Variants in ULK4 observed in about 807,000 individuals in gnomAD.
ULK4 encodes inactive serine/threonine-protein kinase ULK4.
In ULK4, 133 loss-of-function variants were observed where a neutral mutation model predicts 160.6. That is an observed-to-expected ratio of 0.83 (90% CI 0.72 to 0.96). ULK4 has a LOEUF of 0.96. Ranked by LOEUF, ULK4 falls within the 40% of genes least tolerant of loss-of-function variation. The pLI is 0.00. For missense variants in ULK4, 1,580 were observed against 1,499.5 expected, an observed-to-expected ratio of 1.05 and a Z score of -0.89; for synonymous variants, 534 against 539.8, an observed-to-expected ratio of 0.99 and a Z score of 0.15.
At chr3:41,807,774 G>A (rs1422178805) in intron 19 of ULK4, among the ~76,000 whole-genome samples, 1 of 152,084 alleles carries the variant, frequency 6.6e-6, no homozygotes, top group African/African-American at 2.4e-5. Context: ...TCATTTCTCA[G>A]AATGGCTATC....
At chr3:41,667,460 T>G (rs1252023702) in intron 29 of ULK4, among the ~76,000 whole-genome samples, 1 of 152,252 alleles carries the variant, frequency 6.6e-6, no homozygotes, top group East Asian at 1.9e-4. Flanking sequence ...AGGCTGTGAT[T>G]TATTAAGCTC....
chr3:41,878,675 T>TAAAAAAAAAAAAAA (rs33987084), intron 17 of ULK4, among the ~76,000 whole-genome samples: 1 of 95,934 alleles, frequency 1.0e-5, no homozygotes, highest in African/African-American at 4.0e-5. Flanking sequence ...TTAAAACTGT[T>TAAAAAAAAAAAAAA]AAAAAAAAAA....
At chr3:41,705,994 G>A (rs1263691093) in intron 25 of ULK4, among the ~76,000 whole-genome samples, 1 of 152,136 alleles carries the variant, frequency 6.6e-6, no homozygotes, top group Admixed American at 6.5e-5. Context: ...AGTACAAACT[G>A]TGTCAAGATA....
intron 17 of ULK4, among the ~76,000 whole-genome samples, chr3:41,856,020 T>C (rs2042329462): frequency 6.6e-6 from 1 of 152,178 alleles, no homozygotes; most frequent in African/African-American, 2.4e-5. Context: ...AATTCCATCA[T>C]TTTAAGAAAT....
At chr3:41,470,384 C>G (rs1405810162) in intron 32 of ULK4, among the ~76,000 whole-genome samples, 4 of 152,132 alleles carry the variant, frequency 2.6e-5, no homozygotes, top group African/African-American at 9.7e-5. Flanking sequence ...ATAAAATTGT[C>G]TTTCCAAAAT....
At chr3:41,443,849 T>G (rs1186171069) in intron 34 of ULK4, among the ~76,000 whole-genome samples, 2 of 152,072 alleles carry the variant, frequency 1.3e-5, no homozygotes, top group Admixed American at 1.3e-4. Flanking sequence ...GTTACAAATA[T>G]TTTCCCATAT....
At chr3:41,951,940 C>A (rs538697330) in intron 2 of ULK4, among the ~76,000 whole-genome samples, 2 of 152,100 alleles carry the variant, frequency 1.3e-5, no homozygotes, top group African/African-American at 4.8e-5. Flanking sequence ...ACTTCCCAGC[C>A]CCAAGAACTG....
chr3:41,700,908 A>G (rs1474444866), intron 27 of ULK4, among the ~76,000 whole-genome samples: 1 of 152,198 alleles, frequency 6.6e-6, no homozygotes, highest in African/African-American at 2.4e-5. Flanking sequence ...AGACAAGCAG[A>G]ATTTCTAGCA....
chr3:41,857,312 A>G (rs2042384055), intron 17 of ULK4, among the ~76,000 whole-genome samples: 1 of 152,186 alleles, frequency 6.6e-6, no homozygotes, highest in Non-Finnish European at 1.5e-5. Context: ...CTAATGAATG[A>G]TATTTCCAAT....
chr3:41,398,317 C>T (rs1423089535), intron 34 of ULK4, 53 bp from the exon 35 acceptor site: 9 of 1,573,076 alleles, frequency 5.7e-6, no homozygotes, highest in Non-Finnish European at 6.9e-6. Context: ...GGTATTAGTA[C>T]TCAAAAAAAA....
intron 35 of ULK4, among the ~76,000 whole-genome samples, chr3:41,382,385 T>A (rs1356169107): frequency 1.3e-5 from 2 of 152,194 alleles, no homozygotes; most frequent in African/African-American, 4.8e-5. Context: ...AAATGCTGAA[T>A]AACTCATTAG....
chr3:41,492,572 T>C (rs1396299948), intron 32 of ULK4, among the ~76,000 whole-genome samples: 5 of 149,232 alleles, frequency 3.4e-5, no homozygotes, highest in African/African-American at 1.3e-4. Flanking sequence ...AATCCACACA[T>C]AACAATATTA....
chr3:41,919,547 A>G (rs1317353677), intron 6 of ULK4, among the ~76,000 whole-genome samples, 170 bp downstream of exon 6: 1 of 152,232 alleles, frequency 6.6e-6, no homozygotes, highest in Non-Finnish European at 1.5e-5. Context: ...GGTTGTAGTG[A>G]GCCGAGATCG....
At position 41,870,089 on chromosome 3, in the gene ULK4, C is replaced by T. The variant is rs573678429; in HGVS notation, c.1656+13785G>A. 9.9e-4 allele frequency among the ~76,000 whole-genome samples: 150 copies of T among 152,254 alleles called. 1 individual carries two copies. The highest frequency in any genetic ancestry group is 3.4e-3 in the African/African-American group (143 of 41,560). Reference sequence around the variant, plus strand: ...CAGCACGCATTCATATAACTGTTTCCCAGCATGGAATATATAGGATTTCTC... The same window carrying T: ...CAGCACGCATTCATATAACTGTTTCTCAGCATGGAATATATAGGATTTCTC... On this transcript the variant is annotated intron_variant, in intron 17 of 36. Coordinates refer to ENST00000301831, the MANE Select transcript of ULK4 (RefSeq NM_017886.4).
chr3:41,496,573 T>A (rs988887886), intron 32 of ULK4, among the ~76,000 whole-genome samples: 4 of 152,032 alleles, frequency 2.6e-5, no homozygotes, highest in Non-Finnish European at 4.4e-5. Context: ...GAGCGACAGT[T>A]TTCCTGGTAG....
intron 35 of ULK4, among the ~76,000 whole-genome samples, chr3:41,371,745 T>C (rs1036054679): frequency 8.6e-5 from 13 of 151,924 alleles, no homozygotes; most frequent in Non-Finnish European, 1.6e-4. Flanking sequence ...ATTCTCCAAA[T>C]GATCATAACT....
At chr3:41,738,835 A>G (rs1294067791) in intron 22 of ULK4, among the ~76,000 whole-genome samples, 1 of 151,990 alleles carries the variant, frequency 6.6e-6, no homozygotes, top group Non-Finnish European at 1.5e-5. Context: ...CAAACTTATT[A>G]GTTTTGAATG....
chr3:41,380,104 A>AT (rs1249571806), intron 35 of ULK4, among the ~76,000 whole-genome samples: 2 of 152,162 alleles, frequency 1.3e-5, no homozygotes, highest in Non-Finnish European at 2.9e-5. Flanking sequence ...AAATTACACC[A>AT]AAGTCTTTGA....
At chr3:41,448,986 C>T (rs546692382) in intron 34 of ULK4, among the ~76,000 whole-genome samples, 9 of 152,198 alleles carry the variant, frequency 5.9e-5, no homozygotes, top group African/African-American at 2.2e-4. Context: ...CCTGGTTTCT[C>T]GGCTCACTGC....
Sources: gnomAD v4.1 joint callset for allele counts (sites outside exome capture counted in the v4.1 genomes callset) on GRCh38, gnomAD v4.1.1 for gene constraint, MANE v1.5 for transcripts, NCBI Gene and HGNC (gene_info 2026-07-23, HGNC 2026-07-21) for gene names.